DGKB: variants seen among roughly 807,000 people sequenced by gnomAD.
The protein encoded by DGKB is diacylglycerol kinase beta.
A neutral mutation model predicts 114.3 loss-of-function variants in DGKB; 67 were observed. The observed-to-expected ratio is 0.59, with a 90% confidence interval of 0.48 to 0.72. The LOEUF is 0.72. Among genes scored for constraint, DGKB ranks in the 30% least tolerant of loss-of-function variants. The probability of loss-of-function intolerance (pLI) is 0.00; values close to 1 mark genes in which losing one functional copy is unlikely to be tolerated. For missense variants in DGKB, 907 were observed against 975.2 expected (o/e 0.93, Z 0.93); for synonymous variants, 398 against 323.1 (o/e 1.23, Z -2.49).
chr7:14,653,531 G>T (rs993335507), intron 13 of DGKB, among the ~76,000 whole-genome samples: 37 of 152,126 alleles, frequency 2.4e-4, no homozygotes, highest in African/African-American at 8.2e-4. Context: ...GGGAGGGATA[G>T]CATCGGGAGA....
At chr7:14,850,151 C>G (rs1199582262) in intron 1 of DGKB, among the ~76,000 whole-genome samples, 1 of 152,128 alleles carries the variant, frequency 6.6e-6, no homozygotes, top group African/African-American at 2.4e-5. Flanking sequence ...CATCCATTGG[C>G]AACATGGTGG....
At chr7:14,169,046 G>A (rs886853631) in intron 25 of DGKB, among the ~76,000 whole-genome samples, 1 of 152,038 alleles carries the variant, frequency 6.6e-6, no homozygotes, top group Non-Finnish European at 1.5e-5. Context: ...ATAAACCATA[G>A]GTAAGACTAG....
At chr7:14,802,850 A>C (rs892639255) in intron 2 of DGKB, among the ~76,000 whole-genome samples, 1 of 152,132 alleles carries the variant, frequency 6.6e-6, no homozygotes, top group African/African-American at 2.4e-5. Flanking sequence ...TTATACGTTT[A>C]CTGCATATTT....
At chr7:14,214,942 C>T (rs1297640570) in intron 23 of DGKB, among the ~76,000 whole-genome samples, 3 of 152,128 alleles carry the variant, frequency 2.0e-5, no homozygotes, top group Non-Finnish European at 4.4e-5. Flanking sequence ...CCCTCCTTCT[C>T]CCACTCCATT....
chr7:14,827,334 G>A (rs17368281), intron 2 of DGKB, among the ~76,000 whole-genome samples: 1 of 151,866 alleles, frequency 6.6e-6, no homozygotes, highest in Non-Finnish European at 1.5e-5. Context: ...ATCCAAGTAT[G>A]CCACTGAAAG....
At chr7:14,208,760 C>T (rs76640047) in intron 23 of DGKB, among the ~76,000 whole-genome samples, 4,375 of 151,982 alleles carry the variant, frequency 0.029, 200 homozygotes, top group African/African-American at 0.1. Flanking sequence ...ACTAGGTAGC[C>T]TCTGTATCTA....
intron 23 of DGKB, among the ~76,000 whole-genome samples, chr7:14,288,817 A>G (rs1470199004): frequency 6.6e-6 from 1 of 152,170 alleles, no homozygotes; most frequent in African/African-American, 2.4e-5. Context: ...GCATCCAAAC[A>G]GGAGGTTCCT....
chr7:14,633,372 C>A (rs1211723460), intron 13 of DGKB, among the ~76,000 whole-genome samples: 2 of 151,822 alleles, frequency 1.3e-5, no homozygotes, highest in African/African-American at 4.8e-5. Flanking sequence ...CAACACTCAG[C>A]CTTCTGAGAG....
At chr7:14,695,008 T>A (rs1823564555) in intron 8 of DGKB, among the ~76,000 whole-genome samples, 1 of 152,138 alleles carries the variant, frequency 6.6e-6, no homozygotes, top group African/African-American at 2.4e-5. Context: ...AGAAAGGAAC[T>A]CACGTCTTTA....
intron 23 of DGKB, among the ~76,000 whole-genome samples, chr7:14,188,743 G>A (rs1470716181): frequency 6.7e-6 from 1 of 148,452 alleles, no homozygotes; most frequent in Non-Finnish European, 1.5e-5. Context: ...TAATCAAACC[G>A]TCAAAAGTCA....
intron 23 of DGKB, among the ~76,000 whole-genome samples, chr7:14,266,396 A>G (rs1209208711): frequency 2.0e-5 from 3 of 152,206 alleles, no homozygotes; most frequent in African/African-American, 7.2e-5. Context: ...CTAGAACTCA[A>G]CAGAAAATTT....
chr7:14,164,499 C>A (rs982802463), intron 25 of DGKB, among the ~76,000 whole-genome samples: 1 of 152,138 alleles, frequency 6.6e-6, no homozygotes. Context: ...TGTAACTATG[C>A]GGATAAACTT....
At chr7:14,285,993 T>A (rs1800811011) in intron 23 of DGKB, among the ~76,000 whole-genome samples, 1 of 152,134 alleles carries the variant, frequency 6.6e-6, no homozygotes, top group Non-Finnish European at 1.5e-5. Flanking sequence ...AGGTTTTTGT[T>A]GTAGTTGTTT....
chr7:14,728,948 C>T (rs1040612148), intron 5 of DGKB, among the ~76,000 whole-genome samples: 1 of 151,988 alleles, frequency 6.6e-6, no homozygotes, highest in Non-Finnish European at 1.5e-5. Flanking sequence ...GATCCCCCCA[C>T]CTCAGCCTCC....
chr7:14,676,535 C>T lies in DGKB; in HGVS notation c.1036-3508G>A, dbSNP rs558522459. On this transcript the variant is annotated intron_variant, in intron 12 of 25. Transcript: ENST00000402815. ...TGCCTGTATCAAAACATCTCATGTG[C>T]CTCATAAATGTATATACCTACTAAG... Among the ~76,000 whole-genome samples, 4 of 151,874 alleles carry T rather than the reference C, an allele frequency of 2.6e-5. No individual in the cohort carries two copies. In the Middle Eastern group the frequency reaches 0.01, roughly 387 times the overall value.
intron 21 of DGKB, among the ~76,000 whole-genome samples, chr7:14,468,126 T>C (rs1431524): frequency 0.37 from 56,532 of 152,016 alleles, 10,907 homozygotes; most frequent in Admixed American, 0.48. Flanking sequence ...ATTAACTAAA[T>C]TATATGGCAC....
intron 14 of DGKB, among the ~76,000 whole-genome samples, chr7:14,626,586 A>G (rs1585184642): frequency 6.6e-6 from 1 of 152,332 alleles, no homozygotes; most frequent in South Asian, 2.1e-4. Flanking sequence ...TGAGACACCA[A>G]CTTACTAACA....
chr7:14,484,464 G>T (rs370858551), intron 20 of DGKB, among the ~76,000 whole-genome samples: 1 of 152,082 alleles, frequency 6.6e-6, no homozygotes, highest in Non-Finnish European at 1.5e-5. Flanking sequence ...CAATGGGTGA[G>T]TTCTCATGAG....
At chr7:14,579,736 T>C (rs1799654088) in intron 19 of DGKB, among the ~76,000 whole-genome samples, 1 of 152,038 alleles carries the variant, frequency 6.6e-6, no homozygotes, top group Non-Finnish European at 1.5e-5. Context: ...CAGATATTCA[T>C]GGAATTATTC....
Sources: allele counts gnomAD v4.1 joint callset (sites outside exome capture counted in the v4.1 genomes callset), GRCh38; gene constraint gnomAD v4.1.1; transcripts MANE v1.5; gene names NCBI Gene and HGNC (gene_info 2026-07-23, HGNC 2026-07-21).